The following DNAJC6 variants were observed in gnomAD, a reference collection of about 807,000 sequenced individuals.
DNAJC6 encodes the protein auxilin.
In DNAJC6, 34 loss-of-function variants were observed where a neutral mutation model predicts 110.0. That is an observed-to-expected ratio of 0.31 (90% CI 0.24 to 0.41). The LOEUF (loss-of-function observed/expected upper bound fraction) is 0.41. Ranked by LOEUF, DNAJC6 falls within the 10% of genes least tolerant of loss-of-function variation. The probability of loss-of-function intolerance (pLI) is 1.00; values close to 1 mark genes in which losing one functional copy is unlikely to be tolerated. For missense variants in DNAJC6, 1,031 were observed against 1,207.8 expected, an observed-to-expected ratio of 0.85 and a Z score of 2.17; for synonymous variants, 406 against 437.2, an observed-to-expected ratio of 0.93 and a Z score of 0.89.
Position 65,412,932 on chromosome 1 carries a change from G to C in DNAJC6, c.2820G>C (p.Gly940=). The C allele has an allele frequency of 1.9e-6, 3 of 1,613,604 alleles. No homozygotes were observed. Among genetic ancestry groups the C allele is most frequent in the Non-Finnish European group, 2.5e-6 (3 of 1,179,854 alleles). Residue 940 remains glycine, a synonymous_variant, in exon 19 of 19, where the codon GGG becomes GGC. Transcript: ENST00000371069. ...VLVVHPDKAT[G]QPYEQYAKMI... ...TTTTGTTTTCTCTACAGGCTACTGG[G>C]CAACCCTATGAACAATACGCAAAGA...
upstream of DNAJC6, among the ~76,000 whole-genome samples, chr1:65,308,908 C>T (rs552790949): frequency 2.7e-4 from 39 of 146,908 alleles, 1 homozygote; most frequent in African/African-American, 9.9e-4. Context: ...TATTAGAATA[C>T]CCAACTCTTT....
chr1:65,411,139 C>T (rs1646125084), intron 17 of DNAJC6, 111 bp from the exon 18 acceptor site: 1 of 1,059,604 alleles, frequency 9.4e-7, no homozygotes. Flanking sequence ...ATACAGGTTG[C>T]CCTAAGTGTT....
At chr1:65,353,821 G>T (rs572976745) in intron 1 of DNAJC6, among the ~76,000 whole-genome samples, 2 of 152,086 alleles carry the variant, frequency 1.3e-5, no homozygotes, top group Non-Finnish European at 2.9e-5. Flanking sequence ...CTTTTAGGCA[G>T]GCTTTCTCAG....
At chr1:65,305,906 CTTA>C (rs1314924212), upstream of DNAJC6, among the ~76,000 whole-genome samples, 1 of 151,956 alleles carries the variant, frequency 6.6e-6, no homozygotes, top group Non-Finnish European at 1.5e-5. Context: ...ATGTTAAGCA[CTTA>C]TTATATGTTA....
chr1:65,365,598 G>A (rs1281682672), intron 2 of DNAJC6, among the ~76,000 whole-genome samples: 5 of 152,080 alleles, frequency 3.3e-5, no homozygotes, highest in Admixed American at 3.3e-4. Flanking sequence ...AGAACAATTG[G>A]TGTTGATAAA....
At chr1:65,275,992 G>A (rs1234302810) in intron 1 of DNAJC6, among the ~76,000 whole-genome samples, 1 of 150,930 alleles carries the variant, frequency 6.6e-6, no homozygotes, top group Non-Finnish European at 1.5e-5. Flanking sequence ...GGGTTCAAGC[G>A]ATCTTCAGCC....
At chr1:65,369,544 G>T (rs1010254951) in intron 4 of DNAJC6, among the ~76,000 whole-genome samples, 3 of 152,042 alleles carry the variant, frequency 2.0e-5, no homozygotes, top group Admixed American at 1.3e-4. Flanking sequence ...ACATGGAACT[G>T]GTTTTATTTG....
intron 4 of DNAJC6, among the ~76,000 whole-genome samples, chr1:65,375,484 T>A (rs2484168): frequency 6.6e-6 from 1 of 150,888 alleles, no homozygotes; most frequent in African/African-American, 2.5e-5. Context: ...GGAGTGCAGT[T>A]GTGCGATCTC....
chr1:65,324,586 T>C (rs1213769351), intron 1 of DNAJC6, among the ~76,000 whole-genome samples: 2 of 152,156 alleles, frequency 1.3e-5, no homozygotes, highest in African/African-American at 4.8e-5. Context: ...CTCAAACTCC[T>C]GAGGTCAAGC....
Position 65,392,411 on chromosome 1 carries a change from G to T in DNAJC6, c.1469-20G>T. ...CTGTGGTCAGCAACTAATCTCTTAT[G>T]GTATACTGGCCTTCCTCAGATCAGA... On this transcript the variant is annotated intron_variant, in intron 11 of 18. Coordinates refer to ENST00000371069, the MANE Select transcript of DNAJC6 (RefSeq NM_001256864.2). 2 of 1,557,000 alleles carry T rather than the reference G, an allele frequency of 1.3e-6. No individual in the cohort carries two copies. The highest frequency in any genetic ancestry group is 1.7e-6 in the Non-Finnish European group (2 of 1,152,546).
chr1:65,309,752 C>T lies in DNAJC6; in HGVS notation c.7C>T (p.Leu3Phe). 11 of 1,546,564 alleles carry T rather than the reference C, an allele frequency of 7.1e-6. 1 individual carries two copies. The highest frequency in any genetic ancestry group is 2.4e-5 in the South Asian group (2 of 84,014). Residue 3 changes from leucine to phenylalanine, a missense_variant, in exon 1 of 19, where the codon CTC becomes TTC. Coordinates refer to ENST00000371069, the MANE Select transcript of DNAJC6 (RefSeq NM_001256864.2). MS[L>F]LGSYRKKTSN... is the part of the protein sequence containing the mutation. ...CTTTTCTCCGGGCTTGCCCATGAGC[C>T]TCCTCGGGAGCTACCGGAAAAAGAC...
intron 1 of DNAJC6, among the ~76,000 whole-genome samples, chr1:65,280,485 G>C (rs992431976): frequency 1.3e-5 from 2 of 152,270 alleles, no homozygotes; most frequent in Non-Finnish European, 2.9e-5. Flanking sequence ...CTTTTACCAG[G>C]ACAATATGTT....
intron 1 of DNAJC6, among the ~76,000 whole-genome samples, chr1:65,304,197 G>GAA (rs201738829): frequency 7.0e-6 from 1 of 142,112 alleles, no homozygotes. Flanking sequence ...TTATCTTAAA[G>GAA]AAAAAAAAAA....
At chr1:65,365,714 G>A (rs528334784) in intron 2 of DNAJC6, among the ~76,000 whole-genome samples, 171 bp from the exon 3 acceptor site, 16 of 152,212 alleles carry the variant, frequency 1.1e-4, no homozygotes, top group Admixed American at 5.2e-4. Flanking sequence ...CTGAGGTCAC[G>A]GGCTTTCTTT....
chr1:65,382,817 T>C (rs1645836017), intron 5 of DNAJC6, among the ~76,000 whole-genome samples: 1 of 152,226 alleles, frequency 6.6e-6, no homozygotes, highest in South Asian at 2.1e-4. Context: ...CTGGGCAGCA[T>C]TTAAGGTTGT....
At position 65,302,523 on chromosome 1, in the gene DNAJC6, C is replaced by CTTTTTTT. The variant is rs1169755787; in HGVS notation, c.-131+37608_-131+37614dup. The stretch of plus-strand genomic sequence containing the variant: ...TAACCCCCTTGCTGTCTCTTCCTTT[C>CTTTTTTT]TTTTTTTTTTTTTTTTTTTTTTTGA... On this transcript the variant is annotated intron_variant, in intron 1 of 19. Coordinates refer to the DNAJC6 transcript ENST00000263441. Among the ~76,000 whole-genome samples, 357 of 85,310 alleles carry CTTTTTTT rather than the reference C, an allele frequency of 4.2e-3. 3 individuals carry two copies. The highest frequency in any genetic ancestry group is 5.0e-3 in the African/African-American group (98 of 19,410). 56.0% of individuals were successfully genotyped at this position (85,310 alleles called of 152,430 possible).
At chr1:65,319,221 A>T (rs1645174662) in intron 1 of DNAJC6, among the ~76,000 whole-genome samples, 1 of 152,222 alleles carries the variant, frequency 6.6e-6, no homozygotes, top group African/African-American at 2.4e-5. Context: ...CTCTGCTGCA[A>T]GTTCACCATG....
At chr1:65,362,920 C>T (rs1242439498) in intron 1 of DNAJC6, among the ~76,000 whole-genome samples, 3 of 152,180 alleles carry the variant, frequency 2.0e-5, no homozygotes, top group Non-Finnish European at 4.4e-5. Context: ...TCTGTTTTCA[C>T]GCTGCTTTAA....
Position 65,372,146 on chromosome 1 carries a change from G to GGTGTGT in DNAJC6, c.543+5987_543+5992dup, listed in dbSNP as rs59816601. ...ACTCATTACAGATATTGACATTTGG[G>GGTGTGT]GTGTGTGTGTGTGTGTGTGTGTGTG... On this transcript the variant is annotated intron_variant, in intron 4 of 18. Coordinates refer to ENST00000371069, the MANE Select transcript of DNAJC6 (RefSeq NM_001256864.2). Among the ~76,000 whole-genome samples the GGTGTGT allele has an allele frequency of 2.1e-3, 293 of 141,082 alleles. 1 individual carries two copies. Among genetic ancestry groups the GGTGTGT allele is most frequent in the South Asian group, 0.012 (51 of 4,198 alleles). The allele number at this position is 141,082 out of a possible 152,430, so 92.6% of individuals were successfully genotyped here.
Sources: allele counts gnomAD v4.1 joint callset (sites outside exome capture counted in the v4.1 genomes callset), GRCh38; gene constraint gnomAD v4.1.1; transcripts MANE v1.5; gene names NCBI Gene and HGNC (gene_info 2026-07-23, HGNC 2026-07-21).